The following CRIM1 variants were observed in gnomAD, a reference collection of about 807,000 sequenced individuals.
The protein encoded by CRIM1 is cysteine rich transmembrane BMP regulator 1.
A neutral mutation model predicts 116.4 loss-of-function variants in CRIM1; 32 were observed. The ratio of observed to expected loss-of-function variants is 0.27; its 90% CI spans 0.21 to 0.37. CRIM1 has a LOEUF of 0.37. Ranked by LOEUF, CRIM1 falls within the 10% of genes least tolerant of loss-of-function variation. CRIM1 has a pLI of 1.00. For synonymous variants in CRIM1, 590 were observed against 509.2 expected, an observed-to-expected ratio of 1.16 and a Z score of -2.13; for missense variants, 1,331 against 1,354.8, an observed-to-expected ratio of 0.98 and a Z score of 0.28.
At chr2:36,535,862 C>T (rs1572953227) in intron 13 of CRIM1, among the ~76,000 whole-genome samples, 1 of 152,152 alleles carries the variant, frequency 6.6e-6, no homozygotes, top group Admixed American at 6.5e-5. Context: ...GCATTTACAT[C>T]GTGTTAGGTA....
At chr2:36,519,676 T>A (rs1011658629) in intron 12 of CRIM1, among the ~76,000 whole-genome samples, 1 of 152,210 alleles carries the variant, frequency 6.6e-6, no homozygotes, top group Non-Finnish European at 1.5e-5. Context: ...TCCCTCATGA[T>A]GCTTCCATCT....
At chr2:36,403,542 T>C (rs1244348188) in intron 2 of CRIM1, among the ~76,000 whole-genome samples, 2 of 152,100 alleles carry the variant, frequency 1.3e-5, no homozygotes, top group Non-Finnish European at 1.5e-5. Context: ...AAGGAGAGTT[T>C]AAGAGCAGCC....
At position 36,464,548 on chromosome 2, in the gene CRIM1, C is replaced by G. The variant is rs770744349; in HGVS notation, c.884C>G (p.Ser295Cys). The change falls in exon 5 of 17, where the codon TCT (serine) becomes TGT (cysteine). Residue 295 changes from serine to cysteine, a missense_variant. By Grantham distance (112) the Ser-to-Cys change is moderately radical. This residue lies in a region of CRIM1 where 690 missense variants were observed against 676.0 expected (regional missense o/e 1.02). Coordinates refer to ENST00000280527, the MANE Select transcript of CRIM1 (RefSeq NM_016441.3). ...CTLPTRCECL[S>C]GLCGFPVCEV... is the part of the protein sequence containing the mutation. ...TTTGGTTTCAGATGCGAGTGTCTCT[C>G]TGGCTTATGTGGTTTCCCCGTGTGT... 1 of 1,614,124 alleles carries G rather than the reference C, an allele frequency of 6.2e-7. No individual in the cohort carries two copies. The highest frequency in any genetic ancestry group is 8.5e-7 in the Non-Finnish European group (1 of 1,180,010).
intron 8 of CRIM1, among the ~76,000 whole-genome samples, chr2:36,504,473 A>G (rs1424164882): frequency 6.6e-6 from 1 of 152,250 alleles, no homozygotes; most frequent in Non-Finnish European, 1.5e-5. Flanking sequence ...TGTGGCAAGT[A>G]TATGATACAG....
intron 2 of CRIM1, among the ~76,000 whole-genome samples, chr2:36,417,094 A>AAGGCTGTCATTCTGC (rs1222439768): frequency 1.3e-5 from 2 of 152,072 alleles, no homozygotes; most frequent in Non-Finnish European, 2.9e-5. Context: ...TCCTCTTCAG[A>AAGGCTGTCATTCTGC]AGGCTGTCAT....
At chr2:36,531,104 A>G (rs1433294463) in intron 13 of CRIM1, among the ~76,000 whole-genome samples, 1 of 152,220 alleles carries the variant, frequency 6.6e-6, no homozygotes, top group Non-Finnish European at 1.5e-5. Context: ...CTTCTTGGCC[A>G]CCAGGATCCC....
intron 2 of CRIM1, among the ~76,000 whole-genome samples, chr2:36,416,832 T>A (rs975938169): frequency 1.3e-5 from 2 of 152,196 alleles, no homozygotes; most frequent in African/African-American, 4.8e-5. Flanking sequence ...CTTTCCTGAT[T>A]AATGGGAGAA....
At chr2:36,531,140 A>G (rs1666087435) in intron 13 of CRIM1, among the ~76,000 whole-genome samples, 1 of 152,216 alleles carries the variant, frequency 6.6e-6, no homozygotes, top group African/African-American at 2.4e-5. Context: ...TCAGGACTCT[A>G]AATAGTACGC....
chr2:36,412,351 A>T (rs1427187815), intron 2 of CRIM1, among the ~76,000 whole-genome samples: 1 of 152,118 alleles, frequency 6.6e-6, no homozygotes, highest in Admixed American at 6.5e-5. Context: ...AAGTCACCAG[A>T]TTTCTGCGTT....
At chr2:36,378,480 G>T in intron 1 of CRIM1, 2 of 462,286 alleles carry the variant, frequency 4.3e-6, no homozygotes, top group East Asian at 7.0e-5. Context: ...ATTCTGAGGT[G>T]CCTGGGCCAT....
chr2:36,539,069 A>C (rs1019859082), intron 14 of CRIM1, among the ~76,000 whole-genome samples: 3 of 152,232 alleles, frequency 2.0e-5, no homozygotes, highest in African/African-American at 7.2e-5. Flanking sequence ...CCAGGCAGCT[A>C]ACAGGTAAAC....
At chr2:36,393,935 C>T (rs1671817929) in intron 1 of CRIM1, among the ~76,000 whole-genome samples, 2 of 152,102 alleles carry the variant, frequency 1.3e-5, no homozygotes, top group Admixed American at 1.3e-4. Flanking sequence ...TTTCTTATTG[C>T]CAAGAGAGAA....
chr2:36,397,029 C>T (rs113994769), intron 2 of CRIM1, among the ~76,000 whole-genome samples: 1 of 152,258 alleles, frequency 6.6e-6, no homozygotes, highest in East Asian at 1.9e-4. Context: ...CCCTCCTAGG[C>T]CACCTCTGCA....
chr2:36,542,039 T>G lies in CRIM1; in HGVS notation c.2624-2337T>G, dbSNP rs914837505. On this transcript the variant is annotated intron_variant, in intron 14 of 16. Transcript: ENST00000280527. Reference sequence around the variant, plus strand: ...ATTAAAGGGAAATGACTCTCTTCCCTTGGACTTGAGGACTGTGAACTGGAG... The same window carrying G: ...ATTAAAGGGAAATGACTCTCTTCCCGTGGACTTGAGGACTGTGAACTGGAG... 2.6e-5 allele frequency among the ~76,000 whole-genome samples: 4 copies of G among 152,206 alleles called. No individual in the cohort carries two copies. The South Asian group carries it at 6.2e-4, about 24-fold the overall frequency.
At chr2:36,377,274 C>A (rs1670397946) in intron 1 of CRIM1, among the ~76,000 whole-genome samples, 1 of 152,256 alleles carries the variant, frequency 6.6e-6, no homozygotes, top group Non-Finnish European at 1.5e-5. Flanking sequence ...GGCATTTTAC[C>A]CACCTGTATG....
At chr2:36,416,975 G>T (rs1673666661) in intron 2 of CRIM1, among the ~76,000 whole-genome samples, 1 of 152,170 alleles carries the variant, frequency 6.6e-6, no homozygotes, top group Non-Finnish European at 1.5e-5. Context: ...GGAGGTGTTG[G>T]ACGGGGAAGC....
chr2:36,476,183 A>G (rs1244749673), intron 5 of CRIM1, among the ~76,000 whole-genome samples: 3 of 152,136 alleles, frequency 2.0e-5, no homozygotes, highest in Admixed American at 6.5e-5. Flanking sequence ...TCAGCAGAAC[A>G]TAACCCTGAA....
chr2:36,397,576 A>C (rs374857288), intron 2 of CRIM1, among the ~76,000 whole-genome samples: 3 of 152,078 alleles, frequency 2.0e-5, no homozygotes, highest in South Asian at 2.1e-4. Flanking sequence ...GGCATTCTTA[A>C]ATATACCTCT....
chr2:36,408,363 T>G (rs1343661127), intron 2 of CRIM1, among the ~76,000 whole-genome samples: 1 of 152,176 alleles, frequency 6.6e-6, no homozygotes, highest in African/African-American at 2.4e-5. Flanking sequence ...TCTCAGTTTT[T>G]CCCAGGGCTC....
Sources: allele counts gnomAD v4.1 joint callset (sites outside exome capture counted in the v4.1 genomes callset), GRCh38; gene constraint gnomAD v4.1.1; regional missense constraint gnomAD v4.1.1; transcripts MANE v1.5; gene names NCBI Gene and HGNC (gene_info 2026-07-23, HGNC 2026-07-21).